SEMA3E: variants seen among roughly 807,000 people sequenced by gnomAD.
SEMA3E encodes semaphorin-3E.
A neutral mutation model predicts 93.6 loss-of-function variants in SEMA3E; 49 were observed. The observed-to-expected ratio is 0.52, with a 90% CI of 0.42 to 0.66. The LOEUF (loss-of-function observed/expected upper bound fraction) is 0.66, where lower values mean the gene tolerates loss of function less well. SEMA3E is among the 30% of genes least tolerant of loss of function. The pLI is 0.00. For missense variants in SEMA3E, 906 were observed against 964.8 expected, an observed-to-expected ratio of 0.94 and a Z score of 0.81; for synonymous variants, 363 against 330.7, an observed-to-expected ratio of 1.10 and a Z score of -1.06.
At chr7:83,483,025 A>C (rs1790180884) in intron 2 of SEMA3E, among the ~76,000 whole-genome samples, 1 of 152,120 alleles carries the variant, frequency 6.6e-6, no homozygotes, top group Non-Finnish European at 1.5e-5. Context: ...TCAGCTCAAA[A>C]AATTTAGAAT....
At chr7:83,395,210 A>G (rs1049048810) in intron 12 of SEMA3E, among the ~76,000 whole-genome samples, 1 of 152,196 alleles carries the variant, frequency 6.6e-6, no homozygotes, top group African/African-American at 2.4e-5. Context: ...TCAGTTTATA[A>G]CATGAAATGA....
intron 14 of SEMA3E, among the ~76,000 whole-genome samples, chr7:83,392,000 A>C (rs1242248871): frequency 6.6e-6 from 1 of 152,144 alleles, no homozygotes; most frequent in Non-Finnish European, 1.5e-5. Flanking sequence ...AAAATACTTA[A>C]CTGCACCTCA....
intron 14 of SEMA3E, among the ~76,000 whole-genome samples, chr7:83,391,453 T>C (rs1343974568): frequency 6.6e-6 from 1 of 152,200 alleles, no homozygotes; most frequent in Non-Finnish European, 1.5e-5. Context: ...CAAATAATTA[T>C]GTGACTATAT....
At position 83,405,529 on chromosome 7, in the gene SEMA3E, T is replaced by C. The variant is rs1032615953; in HGVS notation, c.929-10A>G. The C allele has an allele frequency of 5.6e-6, 9 of 1,611,110 alleles. No individual in the cohort carries two copies. Among genetic ancestry groups the C allele is most frequent in the African/African-American group, 2.7e-5 (2 of 74,842 alleles). ...AGCAAAAAAACGTCCTCTGAAAAATTAAAGGCCATTCCATCGCTTAGTATT... is the reference window on the plus strand; with the variant it reads ...AGCAAAAAAACGTCCTCTGAAAAATCAAAGGCCATTCCATCGCTTAGTATT... On this transcript the variant is annotated splice_polypyrimidine_tract_variant and intron_variant, in intron 8 of 16. Coordinates refer to ENST00000643230, the MANE Select transcript of SEMA3E (RefSeq NM_012431.3).
At chr7:83,461,353 G>A (rs575653227) in intron 4 of SEMA3E, among the ~76,000 whole-genome samples, 1 of 151,800 alleles carries the variant, frequency 6.6e-6, no homozygotes, top group African/African-American at 2.4e-5. Context: ...GCTGCTCCTC[G>A]CCAGGCTGAG....
At chr7:83,638,645 G>T (rs1793928782) in intron 1 of SEMA3E, among the ~76,000 whole-genome samples, 1 of 152,048 alleles carries the variant, frequency 6.6e-6, no homozygotes, top group Non-Finnish European at 1.5e-5. Flanking sequence ...CAAGATCAAG[G>T]CTGTGATTTG....
intron 1 of SEMA3E, among the ~76,000 whole-genome samples, chr7:83,494,913 T>G (rs1023137240): frequency 9.9e-5 from 15 of 151,980 alleles, no homozygotes; most frequent in Admixed American, 2.0e-4. Flanking sequence ...TTGAATGTGT[T>G]GTGAACAATT....
At chr7:83,379,695 T>C (rs773998531) in intron 16 of SEMA3E, among the ~76,000 whole-genome samples, 17 of 151,866 alleles carry the variant, frequency 1.1e-4, no homozygotes, top group Non-Finnish European at 1.8e-4. Context: ...AAAACCAGAC[T>C]GTCTGGGCTC....
At chr7:83,397,081 GA>G (rs10711531) in intron 11 of SEMA3E, among the ~76,000 whole-genome samples, 81,890 of 133,640 alleles carry the variant, frequency 0.61, 26,182 homozygotes, top group East Asian at 0.85. Flanking sequence ...CTTCATCTAA[GA>G]AAAAAAAAAA....
chr7:83,511,149 T>C (rs1790808872), intron 1 of SEMA3E, among the ~76,000 whole-genome samples: 1 of 152,156 alleles, frequency 6.6e-6, no homozygotes, highest in Non-Finnish European at 1.5e-5. Flanking sequence ...TTTAAGACCC[T>C]AAGGTAAGAA....
chr7:83,427,493 AAAGG>A (rs1170066468), intron 4 of SEMA3E, among the ~76,000 whole-genome samples: 1 of 152,184 alleles, frequency 6.6e-6, no homozygotes, highest in Non-Finnish European at 1.5e-5. Flanking sequence ...AAAGCAGAAA[AAAGG>A]AAGAAAATTT....
intron 1 of SEMA3E, among the ~76,000 whole-genome samples, chr7:83,637,864 G>C (rs1427006807): frequency 6.6e-6 from 1 of 150,444 alleles, no homozygotes; most frequent in Non-Finnish European, 1.5e-5. Flanking sequence ...TCCTTACAAG[G>C]CGGTAGGACA....
At chr7:83,589,238 A>C (rs1346514705) in intron 1 of SEMA3E, among the ~76,000 whole-genome samples, 1 of 152,124 alleles carries the variant, frequency 6.6e-6, no homozygotes, top group African/African-American at 2.4e-5. Flanking sequence ...TTCTTTCTTC[A>C]GATTTCTGAC....
chr7:83,582,963 C>T (rs1562842608), intron 1 of SEMA3E, among the ~76,000 whole-genome samples: 1 of 151,922 alleles, frequency 6.6e-6, no homozygotes, highest in Non-Finnish European at 1.5e-5. Flanking sequence ...ATGTGCTTTA[C>T]TTTTTGTGGC....
At chr7:83,466,664 T>C (rs1789766720) in intron 3 of SEMA3E, 63 bp from the exon 4 acceptor site, 7 of 1,597,388 alleles carry the variant, frequency 4.4e-6, no homozygotes, top group Non-Finnish European at 5.1e-6. Flanking sequence ...TCCTTTTTGA[T>C]TTTTGTTTTT....
At chr7:83,427,003 T>G (rs1788785172) in intron 4 of SEMA3E, among the ~76,000 whole-genome samples, 1 of 152,074 alleles carries the variant, frequency 6.6e-6, no homozygotes, top group African/African-American at 2.4e-5. Context: ...TAACATAACA[T>G]AGTGTGACAT....
chr7:83,586,488 T>C (rs546725211), intron 1 of SEMA3E, among the ~76,000 whole-genome samples: 74 of 152,014 alleles, frequency 4.9e-4, no homozygotes, highest in African/African-American at 1.8e-3. Flanking sequence ...TTTCATCAGA[T>C]CTCAGATGGG....
intron 1 of SEMA3E, among the ~76,000 whole-genome samples, chr7:83,545,316 GC>G (rs1791621757): frequency 6.6e-6 from 1 of 151,844 alleles, no homozygotes; most frequent in Non-Finnish European, 1.5e-5. Flanking sequence ...AACTCCTGGG[GC>G]CATGCCTTCC....
intron 1 of SEMA3E, among the ~76,000 whole-genome samples, chr7:83,554,157 T>G (rs1791832711): frequency 6.6e-6 from 1 of 152,190 alleles, no homozygotes; most frequent in African/African-American, 2.4e-5. Context: ...CAGCATGTGT[T>G]TACCCTAAAT....
Sources: allele counts gnomAD v4.1 joint callset (sites outside exome capture counted in the v4.1 genomes callset), GRCh38; gene constraint gnomAD v4.1.1; transcripts MANE v1.5; gene names NCBI Gene and HGNC (gene_info 2026-07-23, HGNC 2026-07-21).